Variants in DENND4C observed in about 807,000 individuals in gnomAD.
The protein encoded by DENND4C is DENN domain containing 4C.
Under a neutral mutation model 203.0 loss-of-function variants are expected in DENND4C, and 108 were observed. The ratio of observed to expected loss-of-function variants is 0.53; its 90% CI spans 0.46 to 0.62. The LOEUF is 0.62. Among genes scored for constraint, DENND4C ranks in the 20% least tolerant of loss-of-function variants. The pLI is 0.00. For synonymous variants in DENND4C, 871 were observed against 792.4 expected, an observed-to-expected ratio of 1.10 and a Z score of -1.67; for missense variants, 2,481 against 2,301.2, an observed-to-expected ratio of 1.08 and a Z score of -1.60.
At chr9:19,260,046 T>C (rs912376013) in intron 1 of DENND4C, among the ~76,000 whole-genome samples, 7 of 152,200 alleles carry the variant, frequency 4.6e-5, no homozygotes, top group East Asian at 3.9e-4. Context: ...TATACTATTC[T>C]CCATAGTTAC....
At chr9:19,307,090 A>G (rs938120649) in intron 10 of DENND4C, among the ~76,000 whole-genome samples, 3 of 151,852 alleles carry the variant, frequency 2.0e-5, no homozygotes, top group Non-Finnish European at 4.4e-5. Flanking sequence ...GGCATGCTCA[A>G]TTGTGTTTAA....
intron 12 of DENND4C, among the ~76,000 whole-genome samples, chr9:19,322,584 A>T (rs1330115407): frequency 6.6e-6 from 1 of 151,918 alleles, no homozygotes; most frequent in Non-Finnish European, 1.5e-5. Flanking sequence ...ACACAGTGAA[A>T]AATTAGCCAG....
At chr9:19,326,335 G>A in intron 15 of DENND4C, 141 bp downstream of exon 15, 3 of 830,962 alleles carry the variant, frequency 3.6e-6, no homozygotes, top group Non-Finnish European at 5.1e-6. Flanking sequence ...ATATTTTATG[G>A]AAATGCCACT....
intron 1 of DENND4C, among the ~76,000 whole-genome samples, chr9:19,247,844 C>A (rs1338849945): frequency 6.6e-6 from 1 of 152,172 alleles, no homozygotes; most frequent in Non-Finnish European, 1.5e-5. Flanking sequence ...CCCACTTAAG[C>A]CACAAGCTGG....
chr9:19,326,082 G>C lies in DENND4C; in HGVS notation c.2008G>C (p.Glu670Gln). ...KTDKVDFDSA[E>Q]DTRLIELDDS... Reference sequence around the variant, plus strand: ...TTTTCAGGTTGATTTTGATTCAGCAGAAGATACCAGATTGATAGAACTAGA... The same window carrying C: ...TTTTCAGGTTGATTTTGATTCAGCACAAGATACCAGATTGATAGAACTAGA... Residue 670 changes from glutamate (E) to glutamine (Q), a missense_variant, in exon 15 of 33, where the codon GAA (glutamate) becomes CAA (glutamine). By Grantham distance (29) the Glu-to-Gln change is conservative. Around this residue, in one of 3 missense-constraint regions of DENND4C, gnomAD observed 2,289 missense variants for 2,113.3 expected, o/e 1.08. Coordinates refer to ENST00000434457, the MANE Select transcript of DENND4C (RefSeq NM_001330640.2). 6.2e-7 allele frequency: 1 copy of C among 1,611,192 alleles called. No individual in the cohort carries two copies. The highest frequency in any genetic ancestry group is 8.5e-7 in the Non-Finnish European group (1 of 1,179,244).
chr9:19,308,606 T>A (rs981304747), intron 10 of DENND4C, among the ~76,000 whole-genome samples: 2 of 152,232 alleles, frequency 1.3e-5, no homozygotes, highest in South Asian at 4.1e-4. Flanking sequence ...TCTCCCACAT[T>A]GTGACCTGTC....
At chr9:19,350,195 T>C (rs1413463151) in intron 23 of DENND4C, among the ~76,000 whole-genome samples, 1 of 152,196 alleles carries the variant, frequency 6.6e-6, no homozygotes, top group African/African-American at 2.4e-5. Flanking sequence ...TTCTGAACAT[T>C]CAGATTCCCA....
At chr9:19,270,260 G>A (rs1399524608) in intron 1 of DENND4C, among the ~76,000 whole-genome samples, 1 of 152,124 alleles carries the variant, frequency 6.6e-6, no homozygotes, top group African/African-American at 2.4e-5. Flanking sequence ...AATATTGCCT[G>A]GCTACCACTG....
chr9:19,336,185 A>ATG (rs10683145), intron 18 of DENND4C, 85 bp from the exon 19 acceptor site: 2 of 1,223,492 alleles, frequency 1.6e-6, no homozygotes, highest in East Asian at 5.3e-5. Flanking sequence ...ATATATATAT[A>ATG]AACATACACA....
At chr9:19,272,050 A>G (rs1267105586) in intron 1 of DENND4C, among the ~76,000 whole-genome samples, 2 of 152,160 alleles carry the variant, frequency 1.3e-5, no homozygotes, top group East Asian at 3.8e-4. Flanking sequence ...GCACATGTTG[A>G]GCAATTGACT....
intron 26 of DENND4C, among the ~76,000 whole-genome samples, chr9:19,354,698 A>G (rs1287470238): frequency 6.7e-6 from 1 of 149,228 alleles, no homozygotes; most frequent in Admixed American, 6.7e-5. Flanking sequence ...AGTGCCCACC[A>G]CCATGCCCAG....
chr9:19,233,037 TAAA>T (rs5896836), intron 1 of DENND4C, among the ~76,000 whole-genome samples: 1 of 141,744 alleles, frequency 7.1e-6, no homozygotes, highest in Non-Finnish European at 1.5e-5. Flanking sequence ...GCTGCCTGAT[TAAA>T]AAAAAAAAAA....
rs1342614167 is a variant in DENND4C at position 19,300,222 on chromosome 9, G to T, written c.1202G>T (p.Gly401Val). ...ANFSTLLMNL[G>V]PENCATLLLF... Reference sequence around the variant, plus strand: ...TTTAGCACCTTGCTAATGAATCTGGGTCCTGAGAATTGTGCAACACTGCTG... The same window carrying T: ...TTTAGCACCTTGCTAATGAATCTGGTTCCTGAGAATTGTGCAACACTGCTG... Residue 401 changes from glycine (G) to valine (V), a missense_variant, in exon 9 of 33, where the codon GGT (glycine) becomes GTT (valine). By Grantham distance (109) the Gly-to-Val change is moderately radical. Around this residue, in one of 3 missense-constraint regions of DENND4C, gnomAD observed 2,289 missense variants for 2,113.3 expected, o/e 1.08. Transcript: ENST00000434457. 8 of 1,611,224 alleles carry T rather than the reference G, an allele frequency of 5.0e-6. No individual in the cohort carries two copies. The African/African-American group carries it at 1.1e-4, about 22-fold the overall frequency.
Position 19,305,488 on chromosome 9 carries a change from A to G in DENND4C, c.1448A>G (p.Asp483Gly), listed in dbSNP as rs202105741. Residue 483 changes from aspartate (D) to glycine (G), a missense_variant, in exon 10 of 33, where the codon GAT (aspartate) becomes GGT (glycine). Physicochemically the swap from Asp to Gly is moderately conservative, Grantham distance 94. Around this residue, in one of 3 missense-constraint regions of DENND4C, gnomAD observed 2,289 missense variants for 2,113.3 expected, o/e 1.08. Transcript: ENST00000434457. Reference sequence around the variant, plus strand: ...TTTGATCTTCATGACCCACCACAAGATGTTGTTTGCATTGACTTGGATACG... The same window carrying G: ...TTTGATCTTCATGACCCACCACAAGGTGTTGTTTGCATTGACTTGGATACG... ...RYFDLHDPPQDVVCIDLDTNM... is the reference protein window; with the variant it reads ...RYFDLHDPPQGVVCIDLDTNM... 40 of 1,613,406 alleles carry G rather than the reference A, an allele frequency of 2.5e-5. No homozygotes were observed. Among genetic ancestry groups the G allele is most frequent in the Non-Finnish European group, 3.3e-5 (39 of 1,179,916 alleles).
rs1843422075 is a variant in DENND4C at position 19,324,619 on chromosome 9, GTA to G, written c.1953+114_1953+115del. On this transcript the variant is annotated intron_variant, in intron 13 of 32. Coordinates refer to ENST00000434457, the MANE Select transcript of DENND4C (RefSeq NM_001330640.2). ...TATAAGGAAAACAGAGTAGGGTTGT[GTA>G]TGTGTGTGTATGTGTTACCGATTCT... 11 of 983,458 alleles carry G rather than the reference GTA, an allele frequency of 1.1e-5. No individual in the cohort carries two copies. The East Asian group carries it at 2.9e-4, about 26-fold the overall frequency. The allele number at this position is 983,458 out of a possible 1,614,324, so 60.9% of individuals were successfully genotyped here.
intron 5 of DENND4C, 57 bp from the exon 6 acceptor site, chr9:19,295,951 G>GA: frequency 7.8e-7 from 1 of 1,282,548 alleles, no homozygotes; most frequent in South Asian, 1.3e-5. Context: ...GAAAAAAAGA[G>GA]AAGTTAATTT....
At chr9:19,250,017 G>T (rs1315735940) in intron 1 of DENND4C, among the ~76,000 whole-genome samples, 1 of 152,144 alleles carries the variant, frequency 6.6e-6, no homozygotes, top group Non-Finnish European at 1.5e-5. Flanking sequence ...AGTTATATGT[G>T]GCTGGGCGCT....
intron 1 of DENND4C, among the ~76,000 whole-genome samples, chr9:19,260,010 C>G (rs1442160017): frequency 6.6e-6 from 1 of 152,054 alleles, no homozygotes; most frequent in African/African-American, 2.4e-5. Flanking sequence ...TATGATAGTT[C>G]TGTTTCTAAT....
chr9:19,267,483 C>T (rs1181469644), intron 1 of DENND4C, among the ~76,000 whole-genome samples: 4 of 151,980 alleles, frequency 2.6e-5, no homozygotes, highest in Admixed American at 2.0e-4. Flanking sequence ...TATTTTTAGT[C>T]TGTGTGTATC....
Sources: gnomAD v4.1 joint callset for allele counts (sites outside exome capture counted in the v4.1 genomes callset) on GRCh38, gnomAD v4.1.1 for gene constraint, gnomAD v4.1.1 regional missense constraint, MANE v1.5 for transcripts, NCBI Gene and HGNC (gene_info 2026-07-23, HGNC 2026-07-21) for gene names.